Variants in PPP1R12B observed in about 807,000 individuals in gnomAD.
PPP1R12B encodes myosin phosphatase target subunit 2.
PPP1R12B carries 76 observed loss-of-function variants against 126.1 expected under a neutral mutation model. The ratio of observed to expected loss-of-function variants is 0.60; its 90% CI spans 0.50 to 0.73. The LOEUF is 0.73. Among genes scored for constraint, PPP1R12B ranks in the 30% least tolerant of loss-of-function variants. The pLI is 0.00. For missense variants in PPP1R12B, 1,052 were observed against 1,205.1 expected (o/e 0.87, Z 1.88); for synonymous variants, 356 against 434.7 (o/e 0.82, Z 2.25).
chr1:202,566,911 C>G (rs1190973509), intron 21 of PPP1R12B, among the ~76,000 whole-genome samples: 3 of 152,128 alleles, frequency 2.0e-5, no homozygotes, highest in Non-Finnish European at 4.4e-5. Context: ...AATCACCCAG[C>G]AGTTATTAAA....
chr1:202,540,240 G>T, intron 18 of PPP1R12B: 1 of 1,585,712 alleles, frequency 6.3e-7, no homozygotes, highest in Non-Finnish European at 8.6e-7. Flanking sequence ...AAGACGCTCC[G>T]AGTAAGCAGC....
chr1:202,386,048 C>T (rs1039292798), intron 1 of PPP1R12B, among the ~76,000 whole-genome samples: 23 of 151,934 alleles, frequency 1.5e-4, no homozygotes, highest in African/African-American at 5.5e-4. Flanking sequence ...ATTCTCCTGC[C>T]TCAGCCTCCC....
chr1:202,532,338 G>A (rs1459466786), intron 18 of PPP1R12B, among the ~76,000 whole-genome samples: 1 of 152,172 alleles, frequency 6.6e-6, no homozygotes, highest in Non-Finnish European at 1.5e-5. Context: ...TTTGTGACCT[G>A]TATCTTGTGC....
chr1:202,478,413 G>C (rs1445354947), intron 13 of PPP1R12B, among the ~76,000 whole-genome samples: 1 of 152,170 alleles, frequency 6.6e-6, no homozygotes, highest in Non-Finnish European at 1.5e-5. Flanking sequence ...CATTACTTCT[G>C]TAATCTTTGG....
intron 12 of PPP1R12B, chr1:202,443,178 T>G: frequency 2.2e-6 from 2 of 927,690 alleles, no homozygotes; most frequent in Non-Finnish European, 2.6e-6. Context: ...CTGCAATTAT[T>G]TTCTTTGCCA....
At chr1:202,472,532 C>CAGTT in intron 13 of PPP1R12B, among the ~76,000 whole-genome samples, 1 of 152,288 alleles carries the variant, frequency 6.6e-6, no homozygotes, top group East Asian at 1.9e-4. Context: ...GACCAGTGAA[C>CAGTT]TAACTGTAGA....
At chr1:202,544,058 A>G (rs1685402343) in intron 18 of PPP1R12B, among the ~76,000 whole-genome samples, 1 of 152,156 alleles carries the variant, frequency 6.6e-6, no homozygotes, top group South Asian at 2.1e-4. Flanking sequence ...ATTCACTTGC[A>G]TTTCTAATGG....
intron 18 of PPP1R12B, among the ~76,000 whole-genome samples, chr1:202,525,649 G>T (rs1165764475): frequency 6.6e-6 from 1 of 151,178 alleles, no homozygotes; most frequent in African/African-American, 2.4e-5. Flanking sequence ...TCAGGAAGGG[G>T]GGTTAGCAAG....
At chr1:202,510,194 C>G (rs1254068511) in intron 18 of PPP1R12B, among the ~76,000 whole-genome samples, 1 of 152,164 alleles carries the variant, frequency 6.6e-6, no homozygotes, top group Non-Finnish European at 1.5e-5. Context: ...GAGTTCTTGA[C>G]TTAGAGCTAA....
intron 18 of PPP1R12B, among the ~76,000 whole-genome samples, chr1:202,547,390 G>T (rs936274750): frequency 6.6e-6 from 1 of 152,234 alleles, no homozygotes; most frequent in South Asian, 2.1e-4. Flanking sequence ...TGGGATGTTA[G>T]TTCTCATAAC....
intron 13 of PPP1R12B, among the ~76,000 whole-genome samples, chr1:202,458,764 C>T (rs1343145236): frequency 6.6e-6 from 1 of 152,208 alleles, no homozygotes; most frequent in African/African-American, 2.4e-5. Context: ...GCAGCTTTCT[C>T]TGTAATCAGC....
intron 8 of PPP1R12B, among the ~76,000 whole-genome samples, chr1:202,431,855 T>C (rs957950869): frequency 6.6e-6 from 1 of 152,198 alleles, no homozygotes; most frequent in Non-Finnish European, 1.5e-5. Context: ...AATTCTTAGG[T>C]GAATGCTGGG....
chr1:202,436,973 G>A (rs1670908861), intron 9 of PPP1R12B, among the ~76,000 whole-genome samples: 1 of 151,870 alleles, frequency 6.6e-6, no homozygotes, highest in South Asian at 2.1e-4. Flanking sequence ...TGAGTGGAGT[G>A]GCGTCTAGAA....
rs1411482888 is a variant in PPP1R12B at position 202,425,778 on chromosome 1, G to A, written c.701+53G>A. On this transcript the variant is annotated intron_variant, in intron 4 of 23. Coordinates refer to ENST00000608999, the MANE Select transcript of PPP1R12B (RefSeq NM_002481.4). ...TGGTTCACTGGGAGAAGATGGAATA[G>A]GTTTTGGAAGCAGAGGCTGAATTAG... is the stretch of plus-strand genomic sequence containing the variant. 4 of 1,518,472 alleles carry A rather than the reference G, an allele frequency of 2.6e-6. No individual in the cohort carries two copies. The African/African-American group carries it at 4.2e-5, about 16-fold the overall frequency. The allele number at this position is 1,518,472 out of a possible 1,614,324, so 94.1% of individuals were successfully genotyped here.
At chr1:202,573,581 T>A (rs917463959) in intron 23 of PPP1R12B, among the ~76,000 whole-genome samples, 1 of 152,110 alleles carries the variant, frequency 6.6e-6, no homozygotes, top group Non-Finnish European at 1.5e-5. Flanking sequence ...CCCATTTGCA[T>A]AAAAAAATCA....
intron 10 of PPP1R12B, chr1:202,439,177 G>A (rs1470771908): frequency 1.7e-5 from 26 of 1,564,150 alleles, no homozygotes; most frequent in Non-Finnish European, 2.3e-5. Context: ...CGGCCTCGCA[G>A]CTGAAGCTCG....
intron 18 of PPP1R12B, among the ~76,000 whole-genome samples, chr1:202,526,019 A>G (rs1388457566): frequency 6.6e-6 from 1 of 152,224 alleles, no homozygotes; most frequent in Non-Finnish European, 1.5e-5. Context: ...TTTAAGCTAC[A>G]TGTTTGCTTG....
chr1:202,491,451 T>G (rs190847504), intron 14 of PPP1R12B, among the ~76,000 whole-genome samples: 1 of 152,066 alleles, frequency 6.6e-6, no homozygotes, highest in East Asian at 1.9e-4. Flanking sequence ...GCCCAGCCTG[T>G]TTTTTTTGGT....
chr1:202,351,844 C>T (rs560410730), intron 1 of PPP1R12B, among the ~76,000 whole-genome samples: 12 of 152,218 alleles, frequency 7.9e-5, no homozygotes, highest in Non-Finnish European at 1.6e-4. Context: ...TACAACGTCA[C>T]AGTAGATGAT....
Sources: allele counts gnomAD v4.1 joint callset (sites outside exome capture counted in the v4.1 genomes callset), GRCh38; gene constraint gnomAD v4.1.1; transcripts MANE v1.5; gene names NCBI Gene and HGNC (gene_info 2026-07-23, HGNC 2026-07-21).